Variants in MAP7 observed in about 807,000 individuals in gnomAD.
MAP7 encodes microtubule associated protein 7.
In MAP7, 52 loss-of-function variants were observed where a neutral mutation model predicts 94.8. The observed-to-expected ratio is 0.55, with a 90% CI of 0.44 to 0.69. The LOEUF (loss-of-function observed/expected upper bound fraction) is 0.69, where lower values mean the gene tolerates loss of function less well. Ranked by LOEUF, MAP7 falls within the 30% of genes least tolerant of loss-of-function variation. MAP7 has a pLI of 0.00. For synonymous variants in MAP7, 350 were observed against 357.0 expected, an observed-to-expected ratio of 0.98 and a Z score of 0.22; for missense variants, 940 against 964.6, an observed-to-expected ratio of 0.97 and a Z score of 0.34.
intron 15 of MAP7, among the ~76,000 whole-genome samples, chr6:136,358,029 C>T (rs900598984): frequency 3.3e-5 from 5 of 152,092 alleles, no homozygotes; most frequent in Admixed American, 2.6e-4. Context: ...CCAGTCAGCC[C>T]GCAATCAGAT....
chr6:136,377,562 C>T (rs1473389915), intron 7 of MAP7, among the ~76,000 whole-genome samples, 193 bp downstream of exon 7: 1 of 152,196 alleles, frequency 6.6e-6, no homozygotes, highest in Non-Finnish European at 1.5e-5. Context: ...TGCCTGGCGT[C>T]TGGTGTCCAG....
At chr6:136,405,251 G>A (rs534240149) in intron 3 of MAP7, among the ~76,000 whole-genome samples, 1 of 152,300 alleles carries the variant, frequency 6.6e-6, no homozygotes, top group South Asian at 2.1e-4. Flanking sequence ...TTATGTTCCG[G>A]GGCAGGGGGC....
chr6:136,532,894 C>A (rs1249109917), intron 1 of MAP7, among the ~76,000 whole-genome samples: 2 of 152,224 alleles, frequency 1.3e-5, no homozygotes, highest in Non-Finnish European at 2.9e-5. Context: ...AACAACTGAA[C>A]CTTCTCCAGG....
chr6:136,436,064 T>G (rs1330475790), intron 1 of MAP7, among the ~76,000 whole-genome samples: 2 of 152,172 alleles, frequency 1.3e-5, no homozygotes, highest in African/African-American at 2.4e-5. Context: ...TTATTGAGAA[T>G]TATTATTTTA....
intron 1 of MAP7, among the ~76,000 whole-genome samples, chr6:136,481,657 T>C (rs1228831654): frequency 6.6e-6 from 1 of 152,104 alleles, no homozygotes; most frequent in Non-Finnish European, 1.5e-5. Flanking sequence ...TAGGGATGGT[T>C]AACGGTACAG....
intron 8 of MAP7, among the ~76,000 whole-genome samples, chr6:136,368,222 A>G (rs2038077): frequency 2.6e-5 from 4 of 151,548 alleles, no homozygotes; most frequent in East Asian, 3.9e-4. Context: ...TCTTTTTTAA[A>G]CCTTTCAGTC....
At chr6:136,435,133 T>G (rs1401173485) in intron 1 of MAP7, among the ~76,000 whole-genome samples, 1 of 152,148 alleles carries the variant, frequency 6.6e-6, no homozygotes, top group Non-Finnish European at 1.5e-5. Context: ...CAACATCCAC[T>G]TGGGGGTTGG....
intron 1 of MAP7, among the ~76,000 whole-genome samples, chr6:136,506,522 A>G (rs1185567175): frequency 6.6e-6 from 1 of 151,732 alleles, no homozygotes; most frequent in Non-Finnish European, 1.5e-5. Flanking sequence ...TGGAAACAAT[A>G]AAAGATTATT....
chr6:136,505,277 G>GTGTGTATATATATATATATATA (rs1465266004), intron 1 of MAP7, among the ~76,000 whole-genome samples: 10 of 53,828 alleles, frequency 1.9e-4, no homozygotes, highest in East Asian at 7.7e-4. Context: ...GTGTGTGTGT[G>GTGTGTATATATATATATATATA]TATATATATA....
intron 1 of MAP7, among the ~76,000 whole-genome samples, chr6:136,549,671 A>T (rs1324991160): frequency 1.3e-5 from 2 of 152,286 alleles, no homozygotes; most frequent in East Asian, 1.9e-4. Flanking sequence ...GACTAAAAAC[A>T]AAAAACTCTG....
intron 7 of MAP7, among the ~76,000 whole-genome samples, chr6:136,374,325 G>C (rs1475458250): frequency 3.3e-5 from 5 of 152,114 alleles, no homozygotes; most frequent in Non-Finnish European, 7.4e-5. Context: ...CCACAACAAG[G>C]CATTTGCATT....
chr6:136,442,184 C>A lies in MAP7; in HGVS notation c.68-20385G>T, dbSNP rs112814056. Among the ~76,000 whole-genome samples, 46 of 151,996 alleles carry A rather than the reference C, an allele frequency of 3.0e-4. 1 individual carries two copies. The highest frequency in any genetic ancestry group is 1.1e-3 in the African/African-American group (44 of 41,434). ...TTGGGAGGACGAGGCAGGTGGATCA[C>A]TTGAGGTCAGAAGTTTGAGACCAGC... is the stretch of plus-strand genomic sequence containing the variant. On this transcript the variant is annotated intron_variant, in intron 1 of 17. Coordinates refer to ENST00000354570, the MANE Select transcript of MAP7 (RefSeq NM_003980.6).
chr6:136,505,373 G>A lies in MAP7; in HGVS notation c.67+44969C>T, dbSNP rs556608919. 1.7e-3 allele frequency among the ~76,000 whole-genome samples: 249 copies of A among 148,258 alleles called. 3 individuals are homozygous for A. Among genetic ancestry groups the A allele is most frequent in the African/African-American group, 5.7e-3 (229 of 39,930 alleles). On this transcript the variant is annotated intron_variant, in intron 1 of 17. Coordinates refer to ENST00000354570, the MANE Select transcript of MAP7 (RefSeq NM_003980.6). ...TTCTCCCCCTCGGGAGGGAGATAGGGAGAGGAAGGGAGAGAGAGATGAACA... is the reference window on the plus strand; with the variant it reads ...TTCTCCCCCTCGGGAGGGAGATAGGAAGAGGAAGGGAGAGAGAGATGAACA...
chr6:136,485,697 G>A (rs1583043029), intron 1 of MAP7, among the ~76,000 whole-genome samples: 2 of 150,196 alleles, frequency 1.3e-5, no homozygotes, highest in South Asian at 4.2e-4. Context: ...CAAGTAGCTG[G>A]GACTACAGGC....
At chr6:136,368,507 C>T (rs186528194) in intron 8 of MAP7, among the ~76,000 whole-genome samples, 9 of 152,274 alleles carry the variant, frequency 5.9e-5, no homozygotes, top group South Asian at 2.1e-4. Flanking sequence ...GATACTTTAA[C>T]GCAGTGCTGT....
intron 1 of MAP7, chr6:136,526,380 G>A (rs777365248): frequency 4.0e-6 from 4 of 990,348 alleles, no homozygotes; most frequent in Non-Finnish European, 4.8e-6. Flanking sequence ...TCAGATCCCA[G>A]CTTCTTCCTG....
intron 1 of MAP7, among the ~76,000 whole-genome samples, chr6:136,431,618 A>G (rs1366292522): frequency 6.6e-6 from 1 of 151,962 alleles, no homozygotes; most frequent in Non-Finnish European, 1.5e-5. Flanking sequence ...CCTGGATTCA[A>G]GTGATTCTCC....
chr6:136,548,543 A>C (rs867093065), intron 1 of MAP7, among the ~76,000 whole-genome samples: 8 of 152,230 alleles, frequency 5.3e-5, no homozygotes, highest in African/African-American at 1.9e-4. Context: ...AGTGTGGAAG[A>C]AATGTTTTCT....
Position 136,451,735 on chromosome 6 carries a change from C to A in MAP7, c.68-29936G>T, listed in dbSNP as rs1801188717. Among the ~76,000 whole-genome samples, 4 of 152,040 alleles carry A rather than the reference C, an allele frequency of 2.6e-5. No individual in the cohort carries two copies. The South Asian group carries it at 8.3e-4, about 32-fold the overall frequency. On this transcript the variant is annotated intron_variant, in intron 1 of 17. Coordinates refer to ENST00000354570, the MANE Select transcript of MAP7 (RefSeq NM_003980.6). ...ATACTTTTGATGCATGGCAGGAGGT[C>A]AAAAATGTCAACATTTACAGGAGTT...
Sources: gnomAD v4.1 joint callset for allele counts (sites outside exome capture counted in the v4.1 genomes callset) on GRCh38, gnomAD v4.1.1 for gene constraint, MANE v1.5 for transcripts, NCBI Gene and HGNC (gene_info 2026-07-23, HGNC 2026-07-21) for gene names.